ACTR3C: variants seen among roughly 807,000 people sequenced by gnomAD.
ACTR3C encodes actin-related protein 3C.
A neutral mutation model predicts 26.3 loss-of-function variants in ACTR3C; 18 were observed. The observed-to-expected ratio is 0.68, with a 90% CI of 0.47 to 1.01. The LOEUF (loss-of-function observed/expected upper bound fraction) is 1.01, where lower values mean the gene tolerates loss of function less well. Among genes scored for constraint, ACTR3C ranks in the 50% least tolerant of loss-of-function variants. ACTR3C has a pLI of 0.00. For synonymous variants in ACTR3C, 55 were observed against 94.5 expected, an observed-to-expected ratio of 0.58 and a Z score of 2.42; for missense variants, 184 against 250.7, an observed-to-expected ratio of 0.73 and a Z score of 1.80.
the ACTR3C span, among the ~76,000 whole-genome samples, chr7:150,186,123 A>C: frequency 6.6e-6 from 1 of 152,174 alleles, no homozygotes; most frequent in South Asian, 2.1e-4. Flanking sequence ...CCCAGAAGTC[A>C]TCTTTATGCT....
the ACTR3C span, among the ~76,000 whole-genome samples, chr7:150,014,283 G>A: frequency 4.6e-5 from 7 of 152,076 alleles, no homozygotes; most frequent in South Asian, 1.2e-3. Context: ...GTGAAACCCC[G>A]TCTCTACTAA....
At chr7:149,911,116 C>A in the ACTR3C span, among the ~76,000 whole-genome samples, 2 of 151,968 alleles carry the variant, frequency 1.3e-5, no homozygotes, top group African/African-American at 4.8e-5. Context: ...CAAGAGCCAA[C>A]CCAGGATGGA....
chr7:149,968,129 A>C, the ACTR3C span, among the ~76,000 whole-genome samples: 1 of 152,282 alleles, frequency 6.6e-6, no homozygotes, highest in East Asian at 1.9e-4. Flanking sequence ...GAGAAGACCC[A>C]GCAGTAACAA....
chr7:149,888,266 A>T, the ACTR3C span, among the ~76,000 whole-genome samples: 1 of 152,246 alleles, frequency 6.6e-6, no homozygotes, highest in African/African-American at 2.4e-5. Context: ...AATAGTAAGC[A>T]TCTTTTATAT....
At chr7:150,023,290 C>G in the ACTR3C span, among the ~76,000 whole-genome samples, 2 of 77,484 alleles carry the variant, frequency 2.6e-5, no homozygotes, top group Non-Finnish European at 5.1e-5. Flanking sequence ...TATGGAGATA[C>G]ATAGATAGAT....
intron 6 of ACTR3C, among the ~76,000 whole-genome samples, chr7:150,261,643 G>A (rs1203164864): frequency 5.3e-5 from 8 of 152,234 alleles, no homozygotes; most frequent in Non-Finnish European, 7.4e-5. Context: ...CAGAGGTTGC[G>A]GTGAGCAGAG....
At chr7:150,311,997 G>GC (rs1331612744) in intron 1 of ACTR3C, among the ~76,000 whole-genome samples, 2 of 152,128 alleles carry the variant, frequency 1.3e-5, no homozygotes, top group Non-Finnish European at 2.9e-5. Flanking sequence ...TCTAATAAAG[G>GC]CCCTTCTTAA....
the ACTR3C span, among the ~76,000 whole-genome samples, chr7:149,898,757 TCACACA>T: frequency 6.6e-6 from 1 of 151,414 alleles, no homozygotes; most frequent in Non-Finnish European, 1.5e-5. Flanking sequence ...TTAAAACACA[TCACACA>T]CACACACAAA....
At chr7:149,935,852 G>T in the ACTR3C span, among the ~76,000 whole-genome samples, 1 of 152,170 alleles carries the variant, frequency 6.6e-6, no homozygotes, top group Admixed American at 6.5e-5. Context: ...GAAAGGTGTG[G>T]TGCAGTGCTG....
intron 3 of ACTR3C, among the ~76,000 whole-genome samples, chr7:150,292,562 G>A (rs574184354): frequency 3.5e-4 from 52 of 149,866 alleles, no homozygotes; most frequent in Admixed American, 2.5e-3. Flanking sequence ...GTGCAATGGC[G>A]CGATCTCGGC....
chr7:150,116,600 A>C, the ACTR3C span, among the ~76,000 whole-genome samples: 1 of 152,358 alleles, frequency 6.6e-6, no homozygotes, highest in South Asian at 2.1e-4. Flanking sequence ...ATAAGGAGAA[A>C]TAGCTCTGAC....
intron 1 of ACTR3C, among the ~76,000 whole-genome samples, chr7:150,313,070 AC>A (rs2129615801): frequency 6.6e-6 from 1 of 152,160 alleles, no homozygotes; most frequent in South Asian, 2.1e-4. Context: ...TGATCTCCCC[AC>A]CATGCACCCC....
At chr7:150,103,467 T>A in the ACTR3C span, among the ~76,000 whole-genome samples, 3 of 151,804 alleles carry the variant, frequency 2.0e-5, no homozygotes, top group Non-Finnish European at 4.4e-5. Flanking sequence ...AGATCTAGCA[T>A]CTAGCCACTG....
the ACTR3C span, among the ~76,000 whole-genome samples, chr7:150,163,944 T>C: frequency 6.6e-6 from 1 of 152,344 alleles, no homozygotes; most frequent in Admixed American, 6.5e-5. Flanking sequence ...CAAAATAATG[T>C]TGAATCTGGG....
At chr7:150,025,078 G>T in the ACTR3C span, among the ~76,000 whole-genome samples, 1 of 150,596 alleles carries the variant, frequency 6.6e-6, no homozygotes, top group Non-Finnish European at 1.5e-5. Context: ...CCTTTCTCAT[G>T]AAAATCCTGA....
At chr7:150,182,212 A>C in the ACTR3C span, among the ~76,000 whole-genome samples, 209 of 150,604 alleles carry the variant, frequency 1.4e-3, 9 homozygotes, top group Middle Eastern at 6.8e-3. Flanking sequence ...ACAAGAAAAC[A>C]CTATAATCTA....
At chr7:150,064,475 G>A in the ACTR3C span, among the ~76,000 whole-genome samples, 1 of 148,186 alleles carries the variant, frequency 6.7e-6, no homozygotes, top group Non-Finnish European at 1.5e-5. Flanking sequence ...TGAGGCAGGA[G>A]AATCATTTGA....
At chr7:150,310,302 T>A (rs912221028) in intron 1 of ACTR3C, among the ~76,000 whole-genome samples, 1 of 152,076 alleles carries the variant, frequency 6.6e-6, no homozygotes, top group South Asian at 2.1e-4. Flanking sequence ...TACCATTCCA[T>A]TAAAACCTAA....
At chr7:150,241,153 C>T (rs1832155152), downstream of ACTR3C, among the ~76,000 whole-genome samples, 1 of 151,862 alleles carries the variant, frequency 6.6e-6, no homozygotes, top group Non-Finnish European at 1.5e-5. Flanking sequence ...GATACCTGAA[C>T]ATAAAATTTA....
Sources: allele counts gnomAD v4.1 joint callset (sites outside exome capture counted in the v4.1 genomes callset), GRCh38; gene constraint gnomAD v4.1.1; transcripts MANE v1.5; gene names NCBI Gene and HGNC (gene_info 2026-07-23, HGNC 2026-07-21).